S100G: variants seen among roughly 807,000 people sequenced by gnomAD.
S100G encodes the protein protein S100-G.
A neutral mutation model predicts 4.4 loss-of-function variants in S100G; 4 were observed. The observed-to-expected ratio is 0.91, with a 90% CI of 0.45 to 2.09. The LOEUF (loss-of-function observed/expected upper bound fraction) is 2.09, where lower values mean the gene tolerates loss of function less well. S100G is among the 30% of genes most tolerant of loss of function. The pLI, the probability that S100G is intolerant of heterozygous loss-of-function variation, is 0.03. For synonymous variants in S100G, 24 were observed against 20.1 expected (o/e 1.20, Z -0.53); for missense variants, 48 against 49.8 (o/e 0.96, Z 0.11).
In S100G at chrX:16,654,495, A is replaced by G. The variant is rs1932772526; in HGVS notation, c.226A>G (p.Lys76Glu). 5.1e-6 allele frequency: 6 copies of G among 1,166,161 alleles called. No homozygotes were observed. Among genetic ancestry groups the G allele is most frequent in the Non-Finnish European group, 7.0e-6 (6 of 858,158 alleles). The change falls in exon 3 of 3, where the codon AAG (lysine) becomes GAG (glutamate). Residue 76 changes from lysine (K) to glutamate (E), a missense_variant. Lys to Glu is a moderately conservative substitution (Grantham distance 56). Transcript: ENST00000380200. ...SFEEFQVLVK[K>E]ISQ ...TGAAGAATTCCAAGTATTAGTAAAA[A>G]AGATATCCCAGTGAAGGAGAAAACA...
At position 16,651,285 on chromosome X, in the gene S100G, G is replaced by A. The variant is rs1421584325; in HGVS notation, c.135+144G>A. On this transcript the variant is annotated intron_variant, in intron 2 of 2. Coordinates refer to ENST00000380200, the MANE Select transcript of S100G (RefSeq NM_004057.3). The stretch of plus-strand genomic sequence containing the variant: ...GTGGGGTTTCTTCCCCTTAAGTCAG[G>A]CCACATTTCAGAAGGCAAGCTCTCA... The A allele has an allele frequency of 7.5e-6, 4 of 530,300 alleles. No individual in the cohort carries two copies. The East Asian group carries it at 1.4e-4, about 19-fold the overall frequency. 43.7% of individuals were successfully genotyped at this position (530,300 alleles called of 1,213,427 possible). A position where few individuals can be genotyped will look rare whatever the true frequency, so the allele number is the denominator to read the frequency against.
chrX:16,653,025 A>T (rs904083867), intron 2 of S100G, among the ~76,000 whole-genome samples: 7 of 111,522 alleles, frequency 6.3e-5, no homozygotes, highest in Non-Finnish European at 1.1e-4. Flanking sequence ...TTGTGAATCT[A>T]CTTAGCACTA....
Position 16,651,198 on chromosome X carries a change from G to A in S100G, c.135+57G>A. On this transcript the variant is annotated intron_variant, in intron 2 of 2. Coordinates refer to ENST00000380200, the MANE Select transcript of S100G (RefSeq NM_004057.3). ...GGACTGATGGTGGGAGGGGAGGGAG[G>A]GAGGGGAGAGGACTCCGGTAGAGCC... The A allele has an allele frequency of 2.5e-6, 2 of 809,885 alleles. 1 individual carries two copies. Among genetic ancestry groups the A allele is most frequent in the Non-Finnish European group, 3.6e-6 (2 of 550,233 alleles). The allele number at this position is 809,885 out of a possible 1,213,427, so 66.7% of individuals were successfully genotyped here.
chrX:16,653,254 G>A (rs933561966), intron 2 of S100G, among the ~76,000 whole-genome samples: 1 of 110,966 alleles, frequency 9.0e-6, no homozygotes, highest in Non-Finnish European at 1.9e-5. Context: ...TTATGGTAGA[G>A]ACAAAAATTA....
intron 1 of S100G, among the ~76,000 whole-genome samples, chrX:16,650,615 C>T (rs1186573218): frequency 9.7e-6 from 1 of 103,469 alleles, no homozygotes; most frequent in African/African-American, 3.6e-5. Context: ...CGGGTTCAAG[C>T]GATTCTCCTG....
chrX:16,654,337 G>GA, intron 2 of S100G, 68 bp from the exon 3 acceptor site: 5 of 722,691 alleles, frequency 6.9e-6, no homozygotes, highest in Non-Finnish European at 1.0e-5. Context: ...TAATTTCTGA[G>GA]AATGTGTAGC....
intron 2 of S100G, among the ~76,000 whole-genome samples, chrX:16,652,021 G>C (rs1932668576): frequency 9.1e-6 from 1 of 109,591 alleles, no homozygotes; most frequent in Non-Finnish European, 1.9e-5. Flanking sequence ...AGCAGGATGG[G>C]GGGGGCCAGT....
At chrX:16,651,916 G>A (rs1263473035) in intron 2 of S100G, among the ~76,000 whole-genome samples, 1 of 110,606 alleles carries the variant, frequency 9.0e-6, no homozygotes, top group Admixed American at 9.7e-5. Context: ...GAGGGCCATG[G>A]CGACCCATAC....
At chrX:16,653,007 G>C (rs1330689564) in intron 2 of S100G, among the ~76,000 whole-genome samples, 1 of 111,224 alleles carries the variant, frequency 9.0e-6, no homozygotes, top group Non-Finnish European at 1.9e-5. Context: ...GAGATGTGCT[G>C]CACAAAATTG....
intron 2 of S100G, 42 bp downstream of exon 2, chrX:16,651,183 TGGGAGGGGAGGGA>T: frequency 1.1e-4 from 28 of 262,031 alleles, no homozygotes; most frequent in Non-Finnish European, 1.7e-4. Flanking sequence ...GGACTGATGG[TGGGAGGGGAGGGA>T]GGGAGGGGAG....
intron 2 of S100G, among the ~76,000 whole-genome samples, chrX:16,651,798 G>A (rs1347952985): frequency 8.9e-6 from 1 of 111,981 alleles, no homozygotes; most frequent in Non-Finnish European, 1.9e-5. Context: ...ACAGAGTACA[G>A]AGAAGAGCTG....
In S100G at chrX:16,654,496, A is replaced by G; in HGVS notation, c.227A>G (p.Lys76Arg). ...SFEEFQVLVK[K>R]ISQ Reference sequence around the variant, plus strand: ...GAAGAATTCCAAGTATTAGTAAAAAAGATATCCCAGTGAAGGAGAAAACAA... The same window carrying G: ...GAAGAATTCCAAGTATTAGTAAAAAGGATATCCCAGTGAAGGAGAAAACAA... Residue 76 changes from lysine to arginine, a missense_variant, in exon 3 of 3, where the codon AAG becomes AGG. By Grantham distance (26) the Lys-to-Arg change is conservative. Coordinates refer to ENST00000380200, the MANE Select transcript of S100G (RefSeq NM_004057.3). The G allele has an allele frequency of 1.7e-6, 2 of 1,166,044 alleles. No homozygotes were observed. Among genetic ancestry groups the G allele is most frequent in the South Asian group, 3.7e-5 (2 of 54,757 alleles).
At chrX:16,651,917 C>T (rs1932658692) in intron 2 of S100G, among the ~76,000 whole-genome samples, 1 of 110,273 alleles carries the variant, frequency 9.1e-6, no homozygotes, top group Admixed American at 9.7e-5. Context: ...AGGGCCATGG[C>T]GACCCATACA....
At chrX:16,651,654 A>C (rs1384383948) in intron 2 of S100G, among the ~76,000 whole-genome samples, 1 of 112,328 alleles carries the variant, frequency 8.9e-6, no homozygotes, top group Non-Finnish European at 1.9e-5. Flanking sequence ...ATTTGTGTTC[A>C]TCACTTAAAT....
chrX:16,650,963 CT>C, intron 1 of S100G, 35 bp from the exon 2 acceptor site: 1 of 1,167,462 alleles, frequency 8.6e-7, no homozygotes, highest in Non-Finnish European at 1.2e-6. Context: ...TGTACTTCAG[CT>C]TTTTGGTAAG....
intron 2 of S100G, among the ~76,000 whole-genome samples, chrX:16,652,027 C>G (rs1000976761): frequency 7.3e-5 from 8 of 109,023 alleles, no homozygotes; most frequent in Non-Finnish European, 1.5e-4. Flanking sequence ...ATGGGGGGGG[C>G]CAGTGGATGG....
chrX:16,652,182 G>A (rs1174490628), intron 2 of S100G, among the ~76,000 whole-genome samples: 4 of 111,342 alleles, frequency 3.6e-5, no homozygotes, highest in Non-Finnish European at 7.5e-5. Context: ...AGGCCTAGTC[G>A]AGCAGAGGAC....
chrX:16,651,201 G>T (rs1932610912), intron 2 of S100G, 60 bp downstream of exon 2: 1 of 968,820 alleles, frequency 1.0e-6, no homozygotes, highest in Non-Finnish European at 1.5e-6. Flanking sequence ...GAGGGAGGGA[G>T]GGGAGAGGAC....
At position 16,650,996 on chromosome X, in the gene S100G, A is replaced by G; in HGVS notation, c.-8-3A>G. 1 of 1,198,925 alleles carries G rather than the reference A, an allele frequency of 8.3e-7. No individual in the cohort carries two copies. The highest frequency in any genetic ancestry group is 1.7e-5 in the African/African-American group (1 of 57,337). On this transcript the variant is annotated splice_region_variant and splice_polypyrimidine_tract_variant and intron_variant, in intron 1 of 2. Coordinates refer to ENST00000380200, the MANE Select transcript of S100G (RefSeq NM_004057.3). ...TAAGTTTATTTTCTTCCCAATTTAT[A>G]AGACACCAGAATGAGTACTAAAAAG...
Sources: gnomAD v4.1 joint callset for allele counts (sites outside exome capture counted in the v4.1 genomes callset) on GRCh38, gnomAD v4.1.1 for gene constraint, MANE v1.5 for transcripts, NCBI Gene and HGNC (gene_info 2026-07-23, HGNC 2026-07-21) for gene names.